The following NRDC variants were observed in gnomAD, a reference collection of about 807,000 sequenced individuals.
The protein encoded by NRDC is nardilysin convertase, also known as nardilysin.
In NRDC, 54 loss-of-function variants were observed where a neutral mutation model predicts 147.1. The ratio of observed to expected loss-of-function variants is 0.37; its 90% CI spans 0.29 to 0.46. The LOEUF (loss-of-function observed/expected upper bound fraction) is 0.46, where lower values mean the gene tolerates loss of function less well. Ranked by LOEUF, NRDC falls within the 20% of genes least tolerant of loss-of-function variation. The pLI is 1.00. For synonymous variants in NRDC, 440 were observed against 482.1 expected (o/e 0.91, Z 1.14); for missense variants, 1,082 against 1,370.6 (o/e 0.79, Z 3.33).
At position 51,861,333 on chromosome 1, in the gene NRDC, C is replaced by CT. The variant is rs1375907674; in HGVS notation, c.341+16941dup. On this transcript the variant is annotated intron_variant, in intron 1 of 30. Coordinates refer to ENST00000352171, the MANE Select transcript of NRDC (RefSeq NM_001101662.2). The stretch of plus-strand genomic sequence containing the variant: ...AGAGATAATCAAATCTCTTCTTCTT[C>CT]TTTTTTTTTTTTTTGAGACAAAGTC... Among the ~76,000 whole-genome samples the CT allele has an allele frequency of 1.1e-3, 140 of 124,826 alleles. 3 individuals carry two copies. The South Asian group carries it at 0.018, about 16-fold the overall frequency. 81.9% of individuals were successfully genotyped at this position (124,826 alleles called of 152,430 possible).
chr1:51,859,260 T>C (rs1469957374), intron 1 of NRDC, among the ~76,000 whole-genome samples: 3 of 152,264 alleles, frequency 2.0e-5, no homozygotes, highest in Admixed American at 1.3e-4. Flanking sequence ...TTTGTGTCTG[T>C]GTCTATATGT....
intron 1 of NRDC, among the ~76,000 whole-genome samples, chr1:51,871,498 C>G (rs55944817): frequency 2.6e-5 from 3 of 113,776 alleles, no homozygotes; most frequent in Non-Finnish European, 5.0e-5. Context: ...TTCAAGAATT[C>G]TCCTCCACTG....
rs1440141533 is a variant in NRDC at position 51,839,167 on chromosome 1, T to C, written c.630+1059A>G. ...ACCACTTTTTTTCTTTTTCTTTTTT[T>C]TTTTTTTTTTGAGACAAAGTCTCAC... On this transcript the variant is annotated intron_variant, in intron 2 of 30. Transcript: ENST00000352171. Among the ~76,000 whole-genome samples, 401 of 149,918 alleles carry C rather than the reference T, an allele frequency of 2.7e-3. 1 individual carries two copies. Among genetic ancestry groups the C allele is most frequent in the Non-Finnish European group, 4.6e-3 (309 of 67,402 alleles).
At chr1:51,853,674 G>A (rs1041900054) in intron 1 of NRDC, among the ~76,000 whole-genome samples, 37 of 152,208 alleles carry the variant, frequency 2.4e-4, no homozygotes, top group Non-Finnish European at 5.0e-4. Context: ...TGGCTCAGGT[G>A]TCTTAGATAA....
Position 51,816,355 on chromosome 1 carries a change from C to T in NRDC, c.1396G>A (p.Gly466Arg). Residue 466 changes from glycine (G) to arginine (R), a missense_variant, in exon 11 of 31, where the codon GGA becomes AGA. Physicochemically the swap from Gly to Arg is moderately radical, Grantham distance 125. Coordinates refer to ENST00000352171, the MANE Select transcript of NRDC (RefSeq NM_001101662.2). Reference protein sequence around the residue: ...KPLHYISWLVGHEGKGSILSF... With the variant: ...KPLHYISWLVRHEGKGSILSF... ...AGAATGCTGCCTTTGCCTTCATGTC[C>T]AACCAGCCAGGATATATAATGAAGT... 6.3e-7 allele frequency: 1 copy of T among 1,599,756 alleles called. No individual in the cohort carries two copies.
chr1:51,840,622 AACAC>A (rs559064381), intron 1 of NRDC, 108 bp from the exon 2 acceptor site: 2 of 715,166 alleles, frequency 2.8e-6, no homozygotes, highest in Non-Finnish European at 4.6e-6. Context: ...TAAAAGTACA[AACAC>A]ACACACACAC....
Position 51,800,701 on chromosome 1 carries a change from A to G in NRDC, c.2314-18T>C. The stretch of plus-strand genomic sequence containing the variant: ...AACAGTAGCTAAAAGAAAAAGAAGG[A>G]AGCATTTTAAGAAGCATGGAAATCC... On this transcript the variant is annotated intron_variant, in intron 20 of 30. Coordinates refer to ENST00000352171, the MANE Select transcript of NRDC (RefSeq NM_001101662.2). 2 of 1,608,778 alleles carry G rather than the reference A, an allele frequency of 1.2e-6. No homozygotes were observed. Among genetic ancestry groups the G allele is most frequent in the Non-Finnish European group, 1.7e-6 (2 of 1,177,884 alleles).
chr1:51,823,437 A>G (rs533642223), intron 7 of NRDC, among the ~76,000 whole-genome samples: 14 of 152,220 alleles, frequency 9.2e-5, no homozygotes, highest in Admixed American at 3.9e-4. Context: ...CTTACAGATA[A>G]GACCTATTTC....
chr1:51,861,089 A>G (rs1349729019), intron 1 of NRDC, among the ~76,000 whole-genome samples: 2 of 151,338 alleles, frequency 1.3e-5, no homozygotes, highest in Non-Finnish European at 2.9e-5. Flanking sequence ...AGCTGGGATT[A>G]TAGGCGGGCA....
intron 22 of NRDC, chr1:51,795,126 C>G (rs1356535601): frequency 1.4e-6 from 2 of 1,408,750 alleles, no homozygotes; most frequent in Non-Finnish European, 9.4e-7. Context: ...CTTAATTGTT[C>G]AGTGTTGGTT....
chr1:51,844,172 C>A (rs1013968382), intron 1 of NRDC, among the ~76,000 whole-genome samples: 3 of 152,030 alleles, frequency 2.0e-5, no homozygotes, highest in South Asian at 4.1e-4. Flanking sequence ...CCCAACACAC[C>A]TCAAGTCAAT....
chr1:51,847,182 A>G (rs1385159861), intron 1 of NRDC, among the ~76,000 whole-genome samples: 1 of 152,190 alleles, frequency 6.6e-6, no homozygotes, highest in Non-Finnish European at 1.5e-5. Flanking sequence ...CCTGAGCTAG[A>G]CACAGGGTGC....
At chr1:51,807,239 A>G (rs1679509685) in intron 17 of NRDC, among the ~76,000 whole-genome samples, 1 of 152,252 alleles carries the variant, frequency 6.6e-6, no homozygotes, top group Non-Finnish European at 1.5e-5. Flanking sequence ...TAAACAATCC[A>G]TTAATTCATG....
chr1:51,827,738 T>A, intron 5 of NRDC, 58 bp downstream of exon 5: 3 of 1,293,260 alleles, frequency 2.3e-6, no homozygotes, highest in Non-Finnish European at 3.4e-6. Flanking sequence ...ATAAATGTAA[T>A]AAGTAACTGG....
In NRDC at chr1:51,790,971, T is replaced by C. The variant is rs1678608155; in HGVS notation, c.2980A>G (p.Lys994Glu). 1 of 1,612,736 alleles carries C rather than the reference T, an allele frequency of 6.2e-7. No individual in the cohort carries two copies. Among genetic ancestry groups the C allele is most frequent in the Non-Finnish European group, 8.5e-7 (1 of 1,179,170 alleles). Residue 994 changes from lysine to glutamate, a missense_variant, in exon 28 of 31, where the codon AAG becomes GAG. Around this residue, in one of 3 missense-constraint regions of NRDC, gnomAD observed 187 missense variants for 193.6 expected, o/e 0.97. Coordinates refer to ENST00000352171, the MANE Select transcript of NRDC (RefSeq NM_001101662.2). The stretch of plus-strand genomic sequence containing the variant: ...AAGCTAGAAAGAAACTCTTCTATCT[T>C]CTTATCAACAACTTCAGAACTGAAA... The part of the protein sequence containing the change: ...TKYNSEVVDK[K>E]IEEFLSSFEE...
chr1:51,868,157 T>A (rs1682907843), intron 1 of NRDC, among the ~76,000 whole-genome samples: 1 of 151,946 alleles, frequency 6.6e-6, no homozygotes, highest in African/African-American at 2.4e-5. Context: ...AGAAACAAAT[T>A]CTCTCCCTTC....
chr1:51,796,691 A>G (rs1571840143), intron 22 of NRDC, among the ~76,000 whole-genome samples: 1 of 151,280 alleles, frequency 6.6e-6, no homozygotes, highest in Non-Finnish European at 1.5e-5. Context: ...GGATTCAAGC[A>G]ATTCTCCTGC....
At chr1:51,847,184 A>G (rs1412038524) in intron 1 of NRDC, among the ~76,000 whole-genome samples, 1 of 152,234 alleles carries the variant, frequency 6.6e-6, no homozygotes, top group Non-Finnish European at 1.5e-5. Context: ...TGAGCTAGAC[A>G]CAGGGTGCTG....
chr1:51,840,599 A>G, intron 1 of NRDC, 85 bp from the exon 2 acceptor site: 1 of 915,952 alleles, frequency 1.1e-6, no homozygotes, highest in African/African-American at 1.7e-5. Flanking sequence ...GAATTTTAAA[A>G]AAAGAATCCA....
Sources: allele counts gnomAD v4.1 joint callset (sites outside exome capture counted in the v4.1 genomes callset), GRCh38; gene constraint gnomAD v4.1.1; regional missense constraint gnomAD v4.1.1; transcripts MANE v1.5; gene names NCBI Gene and HGNC (gene_info 2026-07-23, HGNC 2026-07-21).